The following API5 variants were observed in gnomAD, a reference collection of about 807,000 sequenced individuals.
The protein encoded by API5 is FIF.
Under a neutral mutation model 71.9 loss-of-function variants are expected in API5, and 6 were observed. The observed-to-expected ratio is 0.08, with a 90% CI of 0.05 to 0.16. API5 has a LOEUF of 0.16. API5 is among the 10% of genes least tolerant of loss of function. The probability of loss-of-function intolerance (pLI) is 1.00; values close to 1 mark genes in which losing one functional copy is unlikely to be tolerated. For missense variants in API5, 332 were observed against 612.8 expected (o/e 0.54, Z 4.84); for synonymous variants, 189 against 221.3 (o/e 0.85, Z 1.30).
chr11:43,323,639 G>A lies in API5; in HGVS notation c.750+3G>A. The A allele has an allele frequency of 6.2e-7, 1 of 1,613,264 alleles. No individual in the cohort carries two copies. The highest frequency in any genetic ancestry group is 8.5e-7 in the Non-Finnish European group (1 of 1,179,456). On this transcript the variant is annotated splice_donor_region_variant and intron_variant, in intron 6 of 13. Coordinates refer to ENST00000531273, the MANE Select transcript of API5 (RefSeq NM_001142930.2). ...GGCAGGCAGTACCCCTCTTCTCTGT[G>A]AGCTCTTTATTTTTACACACCCGGT...
intron 12 of API5, 84 bp from the exon 13 acceptor site, chr11:43,335,774 A>G: frequency 7.1e-7 from 1 of 1,416,434 alleles, no homozygotes; most frequent in Non-Finnish European, 9.5e-7. Context: ...TGTCTTTCCT[A>G]ACTGATATGC....
At chr11:43,331,457 C>G (rs1015995056) in intron 11 of API5, 2 of 193,430 alleles carry the variant, frequency 1.0e-5, no homozygotes, top group African/African-American at 4.7e-5. Flanking sequence ...GTATTATGTA[C>G]TGTATTACAA....
chr11:43,339,602 A>G (rs1190741484), intron 13 of API5, among the ~76,000 whole-genome samples: 1 of 152,210 alleles, frequency 6.6e-6, no homozygotes, highest in East Asian at 1.9e-4. Context: ...TTTTCAGCAA[A>G]AGATATGCTT....
chr11:43,326,476 C>A, intron 6 of API5, 31 bp from the exon 7 acceptor site: 1 of 1,351,206 alleles, frequency 7.4e-7, no homozygotes, highest in Non-Finnish European at 1.1e-6. Context: ...ATTTGTTTTT[C>A]GACAATGCAT....
At chr11:43,312,346 C>T (rs566870646) in intron 1 of API5, 150 bp downstream of exon 1, 5 of 825,812 alleles carry the variant, frequency 6.1e-6, no homozygotes, top group African/African-American at 1.7e-5. Flanking sequence ...CGGGGTGGGC[C>T]TCTCTGGGAG....
Position 43,330,935 on chromosome 11 carries a change from TTTCAA to T in API5, c.1278+375_1278+379del, listed in dbSNP as rs1414809986. Among the ~76,000 whole-genome samples, 5 of 152,318 alleles carry T rather than the reference TTTCAA, an allele frequency of 3.3e-5. 1 individual carries two copies. In the East Asian group the frequency reaches 9.6e-4, roughly 29 times the overall value. ...ACCTTTCCATTAAGCCATAATTACT[TTTCAA>T]TTCTGTTTACCCTTCCCAAGTATCT... On this transcript the variant is annotated intron_variant, in intron 11 of 13. Coordinates refer to ENST00000531273, the MANE Select transcript of API5 (RefSeq NM_001142930.2).
intron 9 of API5, 142 bp from the exon 10 acceptor site, chr11:43,329,823 A>G: frequency 1.5e-6 from 1 of 650,780 alleles, no homozygotes; most frequent in South Asian, 1.9e-5. Flanking sequence ...AATCAGAAAC[A>G]AGCAACTTAA....
intron 1 of API5, 56 bp from the exon 2 acceptor site, chr11:43,318,584 C>T (rs545438952): frequency 1.3e-5 from 20 of 1,594,998 alleles, no homozygotes; most frequent in African/African-American, 1.1e-4. Context: ...TGGTCTTTTA[C>T]TTTGCTTCCC....
At position 43,312,010 on chromosome 11, in the gene API5, C is replaced by T; in HGVS notation, c.-118C>T. 3.5e-6 allele frequency: 4 copies of T among 1,151,970 alleles called. No homozygotes were observed. The highest frequency in any genetic ancestry group is 1.4e-5 in the South Asian group (1 of 70,038). 71.4% of individuals were successfully genotyped at this position (1,151,970 alleles called of 1,614,324 possible). A position where few individuals can be genotyped will look rare whatever the true frequency, so the allele number is the denominator to read the frequency against. On this transcript the variant is annotated 5_prime_UTR_variant, in exon 1 of 14. Transcript: ENST00000531273. ...CGCTGTGCGCGGTGACTGGCGGCTG[C>T]ACTGGCGGCAGCTGGAGGTGTAATA...
intron 5 of API5, among the ~76,000 whole-genome samples, chr11:43,322,669 A>G (rs1350539850): frequency 6.6e-6 from 1 of 152,190 alleles, no homozygotes; most frequent in Non-Finnish European, 1.5e-5. Context: ...AAGTTTGGGA[A>G]TAGTTTACTT....
chr11:43,318,955 A>G, intron 2 of API5, 154 bp downstream of exon 2: 1 of 660,036 alleles, frequency 1.5e-6, no homozygotes, highest in Non-Finnish European at 2.4e-6. Context: ...TTTACATATG[A>G]TAAAGTGTAT....
intron 1 of API5, among the ~76,000 whole-genome samples, chr11:43,312,881 G>A (rs1286522176): frequency 6.6e-6 from 1 of 152,112 alleles, no homozygotes; most frequent in Non-Finnish European, 1.5e-5. Context: ...GGCCGAGGCG[G>A]GCGGATCACG....
chr11:43,320,932 TAC>T lies in API5; in HGVS notation c.325+19_325+20del. ...GCAGACAGGTAAGGGATTTTATTATTACCTTTTTCTCTAAATATATATCTTCT... is the reference window on the plus strand; with the variant it reads ...GCAGACAGGTAAGGGATTTTATTATTCTTTTTCTCTAAATATATATCTTCT... On this transcript the variant is annotated intron_variant, in intron 3 of 13. Coordinates refer to ENST00000531273, the MANE Select transcript of API5 (RefSeq NM_001142930.2). 6.4e-7 allele frequency: 1 copy of T among 1,565,992 alleles called. No individual in the cohort carries two copies. Among genetic ancestry groups the T allele is most frequent in the Non-Finnish European group, 8.8e-7 (1 of 1,139,098 alleles).
chr11:43,342,665 A>G lies in API5; in HGVS notation c.*155A>G. The stretch of plus-strand genomic sequence containing the variant: ...CTTTGTATGTATGACCTACTTTTGT[A>G]ACAGACCATGGTTGTGTCCAAGGTA... On this transcript the variant is annotated 3_prime_UTR_variant, in exon 14 of 14. Transcript: ENST00000531273. 1 of 777,944 alleles carries G rather than the reference A, an allele frequency of 1.3e-6. No individual in the cohort carries two copies. The highest frequency in any genetic ancestry group is 2.2e-4 in the Middle Eastern group (1 of 4,520). 48.2% of individuals were successfully genotyped at this position (777,944 alleles called of 1,614,324 possible).
intron 2 of API5, among the ~76,000 whole-genome samples, chr11:43,320,070 G>T (rs1590353300): frequency 1.4e-5 from 2 of 142,710 alleles, no homozygotes; most frequent in African/African-American, 5.2e-5. Context: ...TTTTGAGAAG[G>T]AGCCTTACTC....
At chr11:43,337,466 A>G (rs566089891) in intron 13 of API5, among the ~76,000 whole-genome samples, 1 of 152,298 alleles carries the variant, frequency 6.6e-6, no homozygotes, top group South Asian at 2.1e-4. Context: ...TAGAAAGCCA[A>G]TTTTAGACTG....
At position 43,326,485 on chromosome 11, in the gene API5, A is replaced by G. The variant is rs377343562; in HGVS notation, c.751-22A>G. The G allele has an allele frequency of 3.0e-4, 448 of 1,481,694 alleles. 1 individual carries two copies. Among genetic ancestry groups the G allele is most frequent in the Non-Finnish European group, 3.7e-4 (400 of 1,066,694 alleles). 91.8% of individuals were successfully genotyped at this position (1,481,694 alleles called of 1,614,324 possible). A position where few individuals can be genotyped will look rare whatever the true frequency, so the allele number is the denominator to read the frequency against. On this transcript the variant is annotated intron_variant, in intron 6 of 13. Coordinates refer to ENST00000531273, the MANE Select transcript of API5 (RefSeq NM_001142930.2). ...GCGAATATTTGTTTTTCGACAATGC[A>G]TTTTCTTTGGATTTCTTACAGAAAA...
chr11:43,341,981 C>T (rs1415886803), intron 13 of API5, among the ~76,000 whole-genome samples: 2 of 150,944 alleles, frequency 1.3e-5, no homozygotes, highest in African/African-American at 4.9e-5. Context: ...GGACCTGTCT[C>T]TACAAAAAAA....
intron 1 of API5, among the ~76,000 whole-genome samples, chr11:43,314,641 T>C (rs1344279743): frequency 3.9e-5 from 6 of 152,170 alleles, no homozygotes; most frequent in African/African-American, 1.2e-4. Context: ...AGGTTATGGG[T>C]GATCAATGCG....
Sources: allele counts gnomAD v4.1 joint callset (sites outside exome capture counted in the v4.1 genomes callset), GRCh38; gene constraint gnomAD v4.1.1; transcripts MANE v1.5; gene names NCBI Gene and HGNC (gene_info 2026-07-23, HGNC 2026-07-21).